SGK2: variants seen among roughly 807,000 people sequenced by gnomAD.
SGK2 encodes serum/glucocorticoid regulated kinase 2, also known as serine/threonine-protein kinase Sgk2.
Under a neutral mutation model 47.5 loss-of-function variants are expected in SGK2, and 36 were observed. The observed-to-expected ratio is 0.76, with a 90% CI of 0.58 to 1.00. SGK2 has a LOEUF of 1.00. Ranked by LOEUF, SGK2 falls within the 50% of genes least tolerant of loss-of-function variation. The probability of loss-of-function intolerance (pLI) is 0.00; values close to 1 mark genes in which losing one functional copy is unlikely to be tolerated. For synonymous variants in SGK2, 157 were observed against 181.9 expected, an observed-to-expected ratio of 0.86 and a Z score of 1.10; for missense variants, 404 against 467.4, an observed-to-expected ratio of 0.86 and a Z score of 1.25.
Position 43,572,068 on chromosome 20 carries a change from G to A in SGK2, c.528G>A (p.Thr176=), listed in dbSNP as rs142616976. 155 of 1,549,214 alleles carry A rather than the reference G, an allele frequency of 1.0e-4. No homozygotes were observed. Among genetic ancestry groups the A allele is most frequent in the Admixed American group, 2.4e-4 (12 of 50,998 alleles). ...LLDCQGHVVL[T]DFGLCKEGVE... is the part of the protein sequence containing the mutation. Reference sequence around the variant, plus strand: ...ATTCTCAGGGACACGTGGTGCTGACGGATTTTGGCCTCTGCAAGGAAGGTG... The same window carrying A: ...ATTCTCAGGGACACGTGGTGCTGACAGATTTTGGCCTCTGCAAGGAAGGTG... The change falls in exon 9 of 13, where the codon ACG becomes ACA. Residue 176 remains threonine (T), a synonymous_variant. Coordinates refer to ENST00000373100, the MANE Select transcript of SGK2 (RefSeq NM_170693.3). This position sits in a 1 kb window ranked among gnomAD's most constrained non-coding sequence, Gnocchi z 4.2.
intron 6 of SGK2, among the ~76,000 whole-genome samples, chr20:43,569,946 C>T (rs1979993917): frequency 1.3e-5 from 2 of 152,206 alleles, no homozygotes; most frequent in South Asian, 4.1e-4. Context: ...ACAAGCAGAG[C>T]TCCCTCCTGG....
intron 4 of SGK2, 61 bp downstream of exon 4, chr20:43,567,783 C>G: frequency 6.3e-7 from 1 of 1,579,326 alleles, no homozygotes; most frequent in Non-Finnish European, 8.7e-7. Context: ...CTTCCAGCCC[C>G]TGCTGCCACT....
chr20:43,578,421 G>A (rs1980595320), intron 11 of SGK2, among the ~76,000 whole-genome samples: 1 of 152,088 alleles, frequency 6.6e-6, no homozygotes, highest in Non-Finnish European at 1.5e-5. Flanking sequence ...GGGGTGGGTG[G>A]AGGTTGCAGT....
intron 10 of SGK2, among the ~76,000 whole-genome samples, 157 bp from the exon 11 acceptor site, chr20:43,576,067 G>A (rs2145551937): frequency 6.6e-6 from 1 of 152,270 alleles, no homozygotes; most frequent in East Asian, 1.9e-4. Context: ...TGTGCCGGAA[G>A]CCTGGAGTCC....
At chr20:43,570,776 C>G (rs1980058333) in intron 7 of SGK2, 47 bp downstream of exon 7, 1 of 1,448,896 alleles carries the variant, frequency 6.9e-7, no homozygotes, top group Non-Finnish European at 9.6e-7. Flanking sequence ...CCTTCTTGCT[C>G]CAACAGCTAG....
rs767312138 is a variant in SGK2, at chr20:43,574,949, G to T, written c.638G>T (p.Arg213Leu). ...PEVLRKEPYDRAVDWWCLGAV... is the reference protein window; with the variant it reads ...PEVLRKEPYDLAVDWWCLGAV... ...GTGCTTCGGAAAGAGCCTTATGATCGAGCAGTGGACTGGTGGTGCTTGGGG... is the reference window on the plus strand; with the variant it reads ...GTGCTTCGGAAAGAGCCTTATGATCTAGCAGTGGACTGGTGGTGCTTGGGG... The change falls in exon 10 of 13, where the codon CGA (arginine) becomes CTA (leucine). Residue 213 changes from arginine (R) to leucine (L), a missense_variant. Arg to Leu is a moderately radical substitution (Grantham distance 102). Transcript: ENST00000373100. The T allele has an allele frequency of 2.5e-6, 4 of 1,613,614 alleles. No homozygotes were observed. In the South Asian group the frequency reaches 4.4e-5, roughly 18 times the overall value.
At position 43,568,118 on chromosome 20, in the gene SGK2, C is replaced by T. The variant is rs913065321; in HGVS notation, c.228+119C>T. On this transcript the variant is annotated intron_variant, in intron 5 of 12. Coordinates refer to ENST00000373100, the MANE Select transcript of SGK2 (RefSeq NM_170693.3). ...ATGGGCCTGGGTGCAGAAGTGGTCA[C>T]AACAAAGGGTAGAGGGGAGGTGGTA... is the stretch of plus-strand genomic sequence containing the variant. The T allele has an allele frequency of 3.2e-4, 245 of 754,304 alleles. 1 individual carries two copies. Among genetic ancestry groups the T allele is most frequent in the Admixed American group, 7.6e-4 (32 of 42,104 alleles). The allele number at this position is 754,304 out of a possible 1,614,324, so 46.7% of individuals were successfully genotyped here. A position where few individuals can be genotyped will look rare whatever the true frequency, so the allele number is the denominator to read the frequency against.
chr20:43,573,149 C>T (rs1050476108), intron 9 of SGK2, among the ~76,000 whole-genome samples: 4 of 152,206 alleles, frequency 2.6e-5, no homozygotes, highest in Non-Finnish European at 5.9e-5. Flanking sequence ...GTCATTCAGA[C>T]ATGTCTATAT....
rs1279354176 is a variant in SGK2 at position 43,572,647 on chromosome 20, A to G, written c.597+510A>G. ...AGCCAAGACTGTGCCACTGCACTCC[A>G]GCCTGGGCAACAAGAGTGAAACTCC... On this transcript the variant is annotated intron_variant, in intron 9 of 12. Coordinates refer to ENST00000373100, the MANE Select transcript of SGK2 (RefSeq NM_170693.3). The surrounding 1 kb of genome is among the most constrained non-coding windows in gnomAD (Gnocchi z 4.2). Among the ~76,000 whole-genome samples, 1 of 152,222 alleles carries G rather than the reference A, an allele frequency of 6.6e-6. No homozygotes were observed. Among genetic ancestry groups the G allele is most frequent in the Non-Finnish European group, 1.5e-5 (1 of 68,032 alleles).
intron 11 of SGK2, among the ~76,000 whole-genome samples, chr20:43,577,076 G>C (rs1401437196): frequency 6.6e-6 from 1 of 152,166 alleles, no homozygotes; most frequent in Non-Finnish European, 1.5e-5. Context: ...ATGGGAGGGG[G>C]GGCAAATTAA....
At chr20:43,571,099 GTGTA>G (rs1555797778) in intron 8 of SGK2, 39 bp downstream of exon 8, 43 of 1,230,510 alleles carry the variant, frequency 3.5e-5, no homozygotes, top group South Asian at 1.2e-4. Context: ...GTGTGTGTGT[GTGTA>G]TGTGGTTGCA....
intron 8 of SGK2, 88 bp from the exon 9 acceptor site, chr20:43,571,962 TG>T: frequency 1.2e-6 from 1 of 864,262 alleles, no homozygotes; most frequent in South Asian, 1.5e-5. Flanking sequence ...GCTGCTGCCC[TG>T]GGGTGTGGCA....
chr20:43,560,164 C>A (rs1237776297), intron 1 of SGK2, among the ~76,000 whole-genome samples: 19 of 151,836 alleles, frequency 1.3e-4, no homozygotes, highest in Non-Finnish European at 1.6e-4. Context: ...AACTCAACAG[C>A]AATATCTTGA....
chr20:43,583,602 C>T, intron 12 of SGK2: 1 of 985,464 alleles, frequency 1.0e-6, no homozygotes, highest in African/African-American at 1.7e-5. Flanking sequence ...AAACCCAGGC[C>T]TCCTCCACAG....
At chr20:43,573,838 C>T (rs555596701) in intron 9 of SGK2, among the ~76,000 whole-genome samples, 2 of 152,252 alleles carry the variant, frequency 1.3e-5, no homozygotes, top group South Asian at 4.1e-4. Flanking sequence ...ACAGTCCAGC[C>T]ATCCCTTCCT....
At chr20:43,574,802 G>A (rs916409) in intron 9 of SGK2, 107 bp from the exon 10 acceptor site, 33,303 of 715,808 alleles carry the variant, frequency 0.047, 928 homozygotes, top group East Asian at 0.089. Context: ...CAGAGCACAC[G>A]TACAGCAGGG....
intron 12 of SGK2, among the ~76,000 whole-genome samples, chr20:43,582,885 G>A (rs554007343): frequency 6.6e-6 from 1 of 151,610 alleles, no homozygotes; most frequent in African/African-American, 2.4e-5. Context: ...TAGTAGAGAC[G>A]GAATTTCACC....
chr20:43,581,121 C>T (rs941017108), intron 12 of SGK2, among the ~76,000 whole-genome samples: 3 of 152,058 alleles, frequency 2.0e-5, no homozygotes, highest in African/African-American at 4.8e-5. Context: ...GTGATCCGCC[C>T]GCCTCGGCCT....
At chr20:43,566,297 A>G (rs972172783) in intron 1 of SGK2, 176 bp from the exon 2 acceptor site, 2 of 1,583,270 alleles carry the variant, frequency 1.3e-6, no homozygotes, top group African/African-American at 1.3e-5. Flanking sequence ...TCCAGGGGAT[A>G]TCATTTCTTG....
Sources: gnomAD v4.1 joint callset for allele counts (sites outside exome capture counted in the v4.1 genomes callset) on GRCh38, gnomAD v4.1.1 for gene constraint, Gnocchi (gnomAD v3.1) non-coding constraint, MANE v1.5 for transcripts, NCBI Gene and HGNC (gene_info 2026-07-23, HGNC 2026-07-21) for gene names.